The following CATSPERT variants were observed in gnomAD, a reference collection of about 807,000 sequenced individuals.
CATSPERT encodes catsper channel auxiliary subunit tau, also known as cation channel sperm-associated targeting subunit tau.
chr2:201,583,506 T>G, the CATSPERT span, among the ~76,000 whole-genome samples: 1 of 152,140 alleles, frequency 6.6e-6, no homozygotes. Flanking sequence ...CTTAAAATGG[T>G]TTACATGGTA....
At chr2:201,525,424 A>C in the CATSPERT span, among the ~76,000 whole-genome samples, 108,840 of 151,988 alleles carry the variant, frequency 0.72, 39,513 homozygotes, top group East Asian at 0.96. Context: ...AACAAGGATA[A>C]AACATACCAA....
At chr2:201,492,425 G>T in the CATSPERT span, 1 of 1,533,108 alleles carries the variant, frequency 6.5e-7, no homozygotes, top group Non-Finnish European at 8.7e-7. Flanking sequence ...AAAGCTATCA[G>T]ATAGTTTTGT....
the CATSPERT span, among the ~76,000 whole-genome samples, chr2:201,568,549 A>G: frequency 2.0e-5 from 3 of 152,292 alleles, no homozygotes; most frequent in Non-Finnish European, 4.4e-5. Flanking sequence ...CACATCTAGT[A>G]TAGCAGCTGC....
the CATSPERT span, among the ~76,000 whole-genome samples, chr2:201,540,078 T>C: frequency 6.6e-6 from 1 of 152,162 alleles, no homozygotes. Context: ...CAAAGCCTAA[T>C]CCAGAGAAAG....
At chr2:201,582,019 G>A in the CATSPERT span, 2 of 1,523,008 alleles carry the variant, frequency 1.3e-6, no homozygotes, top group Non-Finnish European at 1.8e-6. Context: ...AGCCCATCAA[G>A]TATAATAAAT....
chr2:201,586,874 T>C, the CATSPERT span, among the ~76,000 whole-genome samples: 1 of 152,130 alleles, frequency 6.6e-6, no homozygotes, highest in African/African-American at 2.4e-5. Context: ...TTTCTTCCTC[T>C]TGATTTCCTA....
chr2:201,511,206 T>G, the CATSPERT span, among the ~76,000 whole-genome samples: 1 of 152,214 alleles, frequency 6.6e-6, no homozygotes, highest in Non-Finnish European at 1.5e-5. Flanking sequence ...ATATCTATTT[T>G]AAAGCATAAT....
the CATSPERT span, among the ~76,000 whole-genome samples, chr2:201,610,572 C>A: frequency 8.5e-5 from 13 of 152,154 alleles, no homozygotes; most frequent in South Asian, 2.7e-3. Context: ...CAAACTATTT[C>A]AAAAAATGAA....
At chr2:201,541,568 TATATATATATAA>T in the CATSPERT span, among the ~76,000 whole-genome samples, 4 of 50,814 alleles carry the variant, frequency 7.9e-5, no homozygotes, top group South Asian at 8.1e-4. Context: ...TATATATATA[TATATATATATAA>T]AATTTACAAA....
the CATSPERT span, among the ~76,000 whole-genome samples, chr2:201,613,517 C>T: frequency 6.6e-6 from 1 of 152,158 alleles, no homozygotes; most frequent in African/African-American, 2.4e-5. Context: ...AACTAACAAA[C>T]AGAAAGGACA....
At chr2:201,566,477 T>C in the CATSPERT span, among the ~76,000 whole-genome samples, 2 of 151,558 alleles carry the variant, frequency 1.3e-5, no homozygotes, top group Non-Finnish European at 2.9e-5. Context: ...GTCCTTGCGA[T>C]AGTTTGCTCA....
the CATSPERT span, among the ~76,000 whole-genome samples, chr2:201,561,679 C>T: frequency 6.6e-6 from 1 of 152,076 alleles, no homozygotes; most frequent in Non-Finnish European, 1.5e-5. Flanking sequence ...CGAGACCAGC[C>T]TGACCAACAT....
chr2:201,564,602 G>A, the CATSPERT span, among the ~76,000 whole-genome samples: 1 of 152,140 alleles, frequency 6.6e-6, no homozygotes, highest in Admixed American at 6.6e-5. Context: ...AAGGGCCTTT[G>A]GGAGGTAACT....
the CATSPERT span, among the ~76,000 whole-genome samples, chr2:201,564,106 A>G: frequency 1.3e-5 from 2 of 152,136 alleles, no homozygotes; most frequent in Non-Finnish European, 2.9e-5. Flanking sequence ...AAATGTTATG[A>G]CCTAAGTTAC....
At chr2:201,536,709 A>T in the CATSPERT span, among the ~76,000 whole-genome samples, 1 of 152,104 alleles carries the variant, frequency 6.6e-6, no homozygotes, top group East Asian at 1.9e-4. Context: ...ATATAAGAAA[A>T]TAAAGAGAAT....
At chr2:201,520,533 C>T in the CATSPERT span, among the ~76,000 whole-genome samples, 1 of 152,102 alleles carries the variant, frequency 6.6e-6, no homozygotes, top group Admixed American at 6.5e-5. Context: ...AATACAAATA[C>T]ATGGAAATTA....
the CATSPERT span, among the ~76,000 whole-genome samples, chr2:201,570,713 C>T: frequency 6.6e-6 from 1 of 152,110 alleles, no homozygotes; most frequent in Non-Finnish European, 1.5e-5. Flanking sequence ...TCCCTCATTG[C>T]TCTCCTCCTT....
chr2:201,515,901 G>C, the CATSPERT span, among the ~76,000 whole-genome samples: 1 of 152,196 alleles, frequency 6.6e-6, no homozygotes, highest in Non-Finnish European at 1.5e-5. Context: ...GTACAAGTGT[G>C]TAACACATCG....
At chr2:201,497,775 A>G in the CATSPERT span, among the ~76,000 whole-genome samples, 1 of 152,232 alleles carries the variant, frequency 6.6e-6, no homozygotes, top group Non-Finnish European at 1.5e-5. Flanking sequence ...GGAAAAGACA[A>G]TAAAACAAAC....
Sources: gnomAD v4.1 joint callset for allele counts (sites outside exome capture counted in the v4.1 genomes callset) on GRCh38, gnomAD v4.1.1 for gene constraint, MANE v1.5 for transcripts, NCBI Gene and HGNC (gene_info 2026-07-23, HGNC 2026-07-21) for gene names.